SHISA6: variants seen among roughly 807,000 people sequenced by gnomAD.
SHISA6 encodes protein shisa-6.
In SHISA6, 22 loss-of-function variants were observed where a neutral mutation model predicts 47.9. The ratio of observed to expected loss-of-function variants is 0.46; its 90% confidence interval spans 0.33 to 0.66. SHISA6 has a LOEUF of 0.66. Among genes scored for constraint, SHISA6 ranks in the 30% least tolerant of loss-of-function variants. The pLI is 0.02. For synonymous variants in SHISA6, 388 were observed against 337.8 expected, an observed-to-expected ratio of 1.15 and a Z score of -1.63; for missense variants, 680 against 764.6, an observed-to-expected ratio of 0.89 and a Z score of 1.30.
At chr17:11,532,165 G>A (rs1465988482) in intron 3 of SHISA6, among the ~76,000 whole-genome samples, 2 of 152,176 alleles carry the variant, frequency 1.3e-5, no homozygotes, top group Non-Finnish European at 2.9e-5. Context: ...GTTGTCACTT[G>A]ACCAGCGCCA....
At chr17:11,349,519 A>G (rs1911804038) in intron 2 of SHISA6, among the ~76,000 whole-genome samples, 1 of 152,132 alleles carries the variant, frequency 6.6e-6, no homozygotes. Context: ...TATGGTATGG[A>G]TTTTATGGGT....
At chr17:11,432,411 A>C (rs1372565120) in intron 3 of SHISA6, among the ~76,000 whole-genome samples, 2 of 152,200 alleles carry the variant, frequency 1.3e-5, no homozygotes, top group African/African-American at 2.4e-5. Flanking sequence ...AGTCCTATAA[A>C]GAAAGTCTGA....
chr17:11,466,134 A>G (rs1915805628), intron 3 of SHISA6, among the ~76,000 whole-genome samples: 1 of 152,180 alleles, frequency 6.6e-6, no homozygotes, highest in South Asian at 2.1e-4. Flanking sequence ...AATGACACAC[A>G]CACCGTCCTG....
At chr17:11,321,332 G>A (rs1910713088) in intron 2 of SHISA6, among the ~76,000 whole-genome samples, 1 of 152,200 alleles carries the variant, frequency 6.6e-6, no homozygotes, top group Non-Finnish European at 1.5e-5. Flanking sequence ...TGCAAGAGAG[G>A]CTAGTAACAT....
intron 3 of SHISA6, among the ~76,000 whole-genome samples, chr17:11,499,344 C>T (rs991710447): frequency 6.6e-6 from 1 of 152,082 alleles, no homozygotes; most frequent in Admixed American, 6.5e-5. Flanking sequence ...CTATAAAGCA[C>T]CATTATCCCC....
At chr17:11,419,293 A>C (rs78214981) in intron 3 of SHISA6, among the ~76,000 whole-genome samples, 106 of 152,192 alleles carry the variant, frequency 7.0e-4, no homozygotes, top group African/African-American at 2.5e-3. Flanking sequence ...GTCAATGTAT[A>C]GTTCCTTTCT....
At chr17:11,445,751 T>C (rs569494468) in intron 3 of SHISA6, among the ~76,000 whole-genome samples, 1 of 152,188 alleles carries the variant, frequency 6.6e-6, no homozygotes, top group East Asian at 1.9e-4. Flanking sequence ...TCTAAGGAGG[T>C]AATCACTGGA....
chr17:11,303,903 G>T (rs1468480902), intron 2 of SHISA6, among the ~76,000 whole-genome samples: 5 of 152,186 alleles, frequency 3.3e-5, no homozygotes, highest in Admixed American at 2.6e-4. Context: ...GCCTGAGGTG[G>T]GTACAGCAGT....
chr17:11,392,895 G>T (rs1340696552), intron 3 of SHISA6, among the ~76,000 whole-genome samples: 1 of 152,202 alleles, frequency 6.6e-6, no homozygotes, highest in Non-Finnish European at 1.5e-5. Flanking sequence ...TACATGGCTG[G>T]GGCTGAATAA....
rs535860056 is a variant in SHISA6 at position 11,525,450 on chromosome 17, C to T, written c.896-26446C>T. Reference sequence around the variant, plus strand: ...GAGATTGAGACCATCCTGGCAAACACGGTGAAACCCCATCTCTACTAAAAA... The same window carrying T: ...GAGATTGAGACCATCCTGGCAAACATGGTGAAACCCCATCTCTACTAAAAA... On this transcript the variant is annotated intron_variant, in intron 3 of 5. Transcript: ENST00000441885. 2.0e-5 allele frequency among the ~76,000 whole-genome samples: 3 copies of T among 151,554 alleles called. No homozygotes were observed. In the South Asian group the frequency reaches 6.3e-4, roughly 32 times the overall value.
intron 2 of SHISA6, among the ~76,000 whole-genome samples, chr17:11,325,397 G>A (rs954372520): frequency 2.0e-5 from 3 of 152,350 alleles, no homozygotes; most frequent in Admixed American, 6.5e-5. Context: ...CTACCCGAGG[G>A]CATTGGGCAG....
chr17:11,316,897 T>C, intron 2 of SHISA6, among the ~76,000 whole-genome samples: 1 of 152,222 alleles, frequency 6.6e-6, no homozygotes, highest in Admixed American at 6.5e-5. Flanking sequence ...AATGTCCTAT[T>C]TTACATAAAA....
At chr17:11,507,512 C>G (rs1343278338) in intron 3 of SHISA6, among the ~76,000 whole-genome samples, 1 of 152,246 alleles carries the variant, frequency 6.6e-6, no homozygotes, top group Non-Finnish European at 1.5e-5. Context: ...ATGTTTCCCA[C>G]CCGCTGAGGA....
At chr17:11,352,709 T>C (rs205066) in intron 2 of SHISA6, among the ~76,000 whole-genome samples, 145,740 of 152,238 alleles carry the variant, frequency 0.96, 70,105 homozygotes, top group East Asian at 1. Context: ...GGAGAGAGGG[T>C]TGGTGCGCCT....
chr17:11,241,920 G>A lies in SHISA6; in HGVS notation c.498G>A (p.Lys166=). Residue 166 remains lysine (K), a synonymous_variant, in exon 1 of 6, where the codon AAG becomes AAA. Coordinates refer to ENST00000441885, the MANE Select transcript of SHISA6 (RefSeq NM_207386.4). This position sits in a 1 kb window ranked among gnomAD's most constrained non-coding sequence, Gnocchi z 5.5. ...TGGTGTCGCCGGGGCCCGAGAACAA[G>A]TACGACCCGGAGAAGGACAAGACCA... ...TKVVSPGPEN[K]YDPEKDKTNF... 6.4e-7 allele frequency: 1 copy of A among 1,551,042 alleles called. No individual in the cohort carries two copies. The highest frequency in any genetic ancestry group is 8.7e-7 in the Non-Finnish European group (1 of 1,147,022).
intron 1 of SHISA6, among the ~76,000 whole-genome samples, chr17:11,245,110 G>A (rs1907525374): frequency 6.6e-6 from 1 of 152,218 alleles, no homozygotes; most frequent in South Asian, 2.1e-4. Context: ...TTCTGAGTGA[G>A]AAATCAGTGT....
rs1400569082 is a variant in SHISA6 at position 11,241,383 on chromosome 17, GCCGCGGAAGCCTCCCCGCGCCCTC to G, written c.-35_-12del. On this transcript the variant is annotated 5_prime_UTR_variant, in exon 1 of 6. Transcript: ENST00000441885. This position sits in a 1 kb window ranked among gnomAD's most constrained non-coding sequence, Gnocchi z 5.5. ...GCCCGGCCCGCCGGGGGAGCGGCCT[GCCGCGGAAGCCTCCCCGCGCCCTC>G]CCGCCCGGCCCCGCCATGGCGCTGC... 5 of 1,053,576 alleles carry G rather than the reference GCCGCGGAAGCCTCCCCGCGCCCTC, an allele frequency of 4.7e-6. No individual in the cohort carries two copies. Among genetic ancestry groups the G allele is most frequent in the Non-Finnish European group, 5.7e-6 (5 of 876,858 alleles). 65.3% of individuals were successfully genotyped at this position (1,053,576 alleles called of 1,614,324 possible).
intron 2 of SHISA6, among the ~76,000 whole-genome samples, chr17:11,292,297 C>G (rs1909581503): frequency 6.6e-6 from 1 of 151,990 alleles, no homozygotes; most frequent in Non-Finnish European, 1.5e-5. Context: ...TCCCCCTACT[C>G]TGCAACAGGC....
intron 3 of SHISA6, among the ~76,000 whole-genome samples, chr17:11,517,842 C>A (rs879657242): frequency 9.9e-5 from 15 of 152,094 alleles, no homozygotes; most frequent in Non-Finnish European, 1.8e-4. Flanking sequence ...GCACAGCTTA[C>A]TGCTCACCAC....
Sources: gnomAD v4.1 joint callset for allele counts (sites outside exome capture counted in the v4.1 genomes callset) on GRCh38, gnomAD v4.1.1 for gene constraint, Gnocchi (gnomAD v3.1) non-coding constraint, MANE v1.5 for transcripts, NCBI Gene and HGNC (gene_info 2026-07-23, HGNC 2026-07-21) for gene names.